The following VTI1A variants were observed in gnomAD, a reference collection of about 807,000 sequenced individuals.
VTI1A encodes the protein vesicle transport through interaction with t-SNAREs homolog 1A.
VTI1A carries 22 observed loss-of-function variants against 34.9 expected under a neutral mutation model. The observed-to-expected ratio is 0.63, with a 90% CI of 0.45 to 0.90. VTI1A has a LOEUF of 0.90. Among genes scored for constraint, VTI1A ranks in the 40% least tolerant of loss-of-function variants. VTI1A has a pLI of 0.00. For missense variants in VTI1A, 268 were observed against 275.6 expected, an observed-to-expected ratio of 0.97 and a Z score of 0.20; for synonymous variants, 87 against 97.3, an observed-to-expected ratio of 0.89 and a Z score of 0.62.
intron 7 of VTI1A, among the ~76,000 whole-genome samples, chr10:112,730,387 G>A (rs1297370840): frequency 6.6e-6 from 1 of 152,098 alleles, no homozygotes; most frequent in Non-Finnish European, 1.5e-5. Flanking sequence ...CCAATTGATA[G>A]TCACCTTGTG....
chr10:112,468,072 G>A (rs1431118337), intron 3 of VTI1A, among the ~76,000 whole-genome samples: 3 of 152,172 alleles, frequency 2.0e-5, no homozygotes, highest in African/African-American at 7.2e-5. Flanking sequence ...TTTGTGCTTG[G>A]GTGTTCTCTA....
At chr10:112,451,493 C>G (rs538840958) in intron 1 of VTI1A, among the ~76,000 whole-genome samples, 1 of 152,292 alleles carries the variant, frequency 6.6e-6, no homozygotes, top group African/African-American at 2.4e-5. Context: ...AGGTAAATTT[C>G]TCTTGATGAA....
At chr10:112,534,101 C>T (rs189413077) in intron 4 of VTI1A, among the ~76,000 whole-genome samples, 3 of 152,168 alleles carry the variant, frequency 2.0e-5, no homozygotes, top group African/African-American at 7.2e-5. Context: ...CCAAAGCTTT[C>T]GTCATTGTTA....
At chr10:112,561,949 A>G (rs1032629548) in intron 5 of VTI1A, among the ~76,000 whole-genome samples, 1 of 152,190 alleles carries the variant, frequency 6.6e-6, no homozygotes, top group African/African-American at 2.4e-5. Flanking sequence ...AAAATCTATC[A>G]TCGAACTCTT....
At chr10:112,760,921 A>T (rs1266195851) in intron 7 of VTI1A, among the ~76,000 whole-genome samples, 1 of 152,038 alleles carries the variant, frequency 6.6e-6, no homozygotes, top group Non-Finnish European at 1.5e-5. Context: ...AAAAAGTTGG[A>T]AACAATACAG....
chr10:112,726,306 A>G (rs1850025929), intron 7 of VTI1A, among the ~76,000 whole-genome samples: 1 of 152,302 alleles, frequency 6.6e-6, no homozygotes, highest in African/African-American at 2.4e-5. Context: ...CAGAGTGGGG[A>G]ACACTTCTCT....
upstream of VTI1A, chr10:112,447,050 A>T: frequency 6.5e-6 from 2 of 309,656 alleles, no homozygotes. Flanking sequence ...CGAAGGGGGG[A>T]AAAAACGCTT....
rs139636469 is a variant in VTI1A at position 112,570,122 on chromosome 10, A to G, written c.427+31792A>G. ...CTTGCTTTTTGTTGGTCTTTTTTCAAATATAACATGCAGTGTTGCCAGGAA... is the reference window on the plus strand; with the variant it reads ...CTTGCTTTTTGTTGGTCTTTTTTCAGATATAACATGCAGTGTTGCCAGGAA... On this transcript the variant is annotated intron_variant, in intron 5 of 7. Transcript: ENST00000393077. 3.3e-4 allele frequency among the ~76,000 whole-genome samples: 51 copies of G among 152,298 alleles called. 1 individual carries two copies. The highest frequency in any genetic ancestry group is 3.4e-3 in the Middle Eastern group (1 of 294).
chr10:112,483,198 A>G (rs1179202581), intron 3 of VTI1A, among the ~76,000 whole-genome samples: 1 of 152,170 alleles, frequency 6.6e-6, no homozygotes, highest in East Asian at 1.9e-4. Flanking sequence ...GAAAGTACTA[A>G]GAAATGTCTC....
At chr10:112,496,570 CA>C (rs111328214) in intron 3 of VTI1A, among the ~76,000 whole-genome samples, 168 of 139,588 alleles carry the variant, frequency 1.2e-3, no homozygotes, top group Middle Eastern at 3.6e-3. Flanking sequence ...GACTCCATCT[CA>C]AAAAAAAAAA....
chr10:112,475,299 T>C (rs951146519), intron 3 of VTI1A, among the ~76,000 whole-genome samples: 28 of 152,268 alleles, frequency 1.8e-4, no homozygotes, highest in Non-Finnish European at 1.3e-4. Context: ...CTGTAGTCAT[T>C]GTCAAAGTTG....
chr10:112,614,900 C>G (rs1048532721), intron 5 of VTI1A, among the ~76,000 whole-genome samples: 7 of 151,976 alleles, frequency 4.6e-5, no homozygotes, highest in African/African-American at 1.7e-4. Flanking sequence ...CAAAATGTGC[C>G]GTTATTTTTT....
Position 112,527,606 on chromosome 10 carries a change from G to C in VTI1A, c.342+442G>C, listed in dbSNP as rs142948207. On this transcript the variant is annotated intron_variant, in intron 4 of 7. Transcript: ENST00000393077. ...CAACAGGGCAGCCCAATCTCCTATTGTGTGGCTTCTTAAAAATACATTCAC... is the reference window on the plus strand; with the variant it reads ...CAACAGGGCAGCCCAATCTCCTATTCTGTGGCTTCTTAAAAATACATTCAC... Among the ~76,000 whole-genome samples the C allele has an allele frequency of 2.2e-3, 341 of 152,010 alleles. 1 individual carries two copies. Among genetic ancestry groups the C allele is most frequent in the African/African-American group, 8.1e-3 (335 of 41,478 alleles).
intron 7 of VTI1A, among the ~76,000 whole-genome samples, chr10:112,801,594 C>T (rs1399919592): frequency 2.0e-5 from 3 of 152,186 alleles, no homozygotes; most frequent in South Asian, 2.1e-4. Flanking sequence ...AGATCCACTA[C>T]AATAAATCTT....
chr10:112,747,723 T>C (rs1398092649), intron 7 of VTI1A, among the ~76,000 whole-genome samples: 1 of 152,192 alleles, frequency 6.6e-6, no homozygotes, highest in East Asian at 1.9e-4. Context: ...CTGGGTTGTG[T>C]AGAAGGAGGC....
the VTI1A span, among the ~76,000 whole-genome samples, chr10:112,850,907 T>C: frequency 6.6e-6 from 1 of 152,120 alleles, no homozygotes; most frequent in Non-Finnish European, 1.5e-5. Flanking sequence ...TCCCCAACTT[T>C]CCAAAGAAAT....
intron 7 of VTI1A, among the ~76,000 whole-genome samples, chr10:112,726,288 T>C (rs1158445846): frequency 1.3e-5 from 2 of 152,226 alleles, no homozygotes; most frequent in Admixed American, 1.3e-4. Flanking sequence ...TCTGGGCTTC[T>C]AAGACACCAG....
In VTI1A at chr10:112,750,648, C is replaced by T. The variant is rs115560187; in HGVS notation, c.561-64642C>T. ...TAGGATACTCCTACAGCCCAAACTA[C>T]GAGTTCAAGAGAATTCTATCTTGGA... On this transcript the variant is annotated intron_variant, in intron 7 of 7. Transcript: ENST00000393077. 7.4e-3 allele frequency among the ~76,000 whole-genome samples: 1,121 copies of T among 152,254 alleles called. 18 individuals carry two copies. The highest frequency in any genetic ancestry group is 0.026 in the African/African-American group (1,071 of 41,536).
chr10:112,614,355 A>G (rs552112265), intron 5 of VTI1A, among the ~76,000 whole-genome samples: 32 of 152,300 alleles, frequency 2.1e-4, no homozygotes, highest in African/African-American at 7.2e-4. Flanking sequence ...TAAGAATAGA[A>G]TGAGACCTTA....
Sources: allele counts gnomAD v4.1 joint callset (sites outside exome capture counted in the v4.1 genomes callset), GRCh38; gene constraint gnomAD v4.1.1; transcripts MANE v1.5; gene names NCBI Gene and HGNC (gene_info 2026-07-23, HGNC 2026-07-21).